SNX27: variants seen among roughly 807,000 people sequenced by gnomAD.
SNX27 encodes sorting nexin 27.
A neutral mutation model predicts 71.6 loss-of-function variants in SNX27; 22 were observed. The ratio of observed to expected loss-of-function variants is 0.31; its 90% CI spans 0.22 to 0.44. The LOEUF (loss-of-function observed/expected upper bound fraction) is 0.44, where lower values mean the gene tolerates loss of function less well. SNX27 is among the 20% of genes least tolerant of loss of function. The pLI, the probability that SNX27 is intolerant of heterozygous loss-of-function variation, is 1.00. For synonymous variants in SNX27, 269 were observed against 277.2 expected (o/e 0.97, Z 0.29); for missense variants, 531 against 698.6 (o/e 0.76, Z 2.70).
intron 7 of SNX27, among the ~76,000 whole-genome samples, chr1:151,672,844 A>G (rs540871378): frequency 1.3e-5 from 2 of 149,416 alleles, no homozygotes; most frequent in African/African-American, 4.9e-5. Flanking sequence ...CTCCTTTTTC[A>G]TCTCTGATTT....
At position 151,680,629 on chromosome 1, in the gene SNX27, AAAAAC is replaced by A. The variant is rs201845487; in HGVS notation, c.1150-2720_1150-2716del. On this transcript the variant is annotated intron_variant, in intron 7 of 11. Transcript: ENST00000458013. ...AGACATAGTTCTAGGCGTTAGGGGTAAAAACAAAACAGAAAGACAGTATTCTTATA... is the reference window on the plus strand; with the variant it reads ...AGACATAGTTCTAGGCGTTAGGGGTAAAAACAGAAAGACAGTATTCTTATA... Among the ~76,000 whole-genome samples, 397 of 152,350 alleles carry A rather than the reference AAAAAC, an allele frequency of 2.6e-3. 2 individuals are homozygous for A. The highest frequency in any genetic ancestry group is 8.8e-3 in the African/African-American group (366 of 41,578).
chr1:151,693,782 A>G, intron 11 of SNX27: 1 of 1,471,814 alleles, frequency 6.8e-7, no homozygotes, highest in Non-Finnish European at 8.9e-7. Context: ...TTTAAATCAG[A>G]TCACCCTCCA....
chr1:151,693,267 A>G (rs1290423761), intron 10 of SNX27, 157 bp from the exon 11 acceptor site: 3 of 897,296 alleles, frequency 3.3e-6, no homozygotes, highest in Admixed American at 2.5e-5. Flanking sequence ...GAGCTAGAGA[A>G]TAGTGGATGA....
At chr1:151,623,295 C>A (rs1202592553) in intron 1 of SNX27, among the ~76,000 whole-genome samples, 2 of 152,202 alleles carry the variant, frequency 1.3e-5, no homozygotes, top group Non-Finnish European at 2.9e-5. Flanking sequence ...TGCGGGCCAC[C>A]ATACTTGGCT....
intron 3 of SNX27, among the ~76,000 whole-genome samples, chr1:151,659,143 G>A (rs1279907578): frequency 6.6e-6 from 1 of 152,062 alleles, no homozygotes; most frequent in Admixed American, 6.6e-5. Flanking sequence ...CATTTTACAG[G>A]TATTCATAGA....
intron 2 of SNX27, among the ~76,000 whole-genome samples, chr1:151,653,906 C>T (rs1240914946): frequency 6.8e-6 from 1 of 147,784 alleles, no homozygotes; most frequent in African/African-American, 2.5e-5. Context: ...GATCTTGGCT[C>T]ACTGCAACCT....
intron 8 of SNX27, among the ~76,000 whole-genome samples, chr1:151,686,780 C>G (rs1019911621): frequency 6.6e-6 from 1 of 152,220 alleles, no homozygotes; most frequent in Admixed American, 6.5e-5. Context: ...GGCCAGGTCA[C>G]TACAATTAGT....
intron 2 of SNX27, among the ~76,000 whole-genome samples, chr1:151,655,857 G>T (rs765703215): frequency 3.7e-4 from 57 of 152,174 alleles, no homozygotes; most frequent in Admixed American, 1.3e-4. Flanking sequence ...AGAAATGCCA[G>T]TGGAACTCTA....
At chr1:151,629,068 T>C (rs1235453077) in intron 1 of SNX27, among the ~76,000 whole-genome samples, 2 of 151,884 alleles carry the variant, frequency 1.3e-5, no homozygotes, top group African/African-American at 4.9e-5. Context: ...CCCCCTAGAT[T>C]TTCTCCTATG....
chr1:151,684,298 T>C (rs1671095732), intron 8 of SNX27, among the ~76,000 whole-genome samples: 1 of 152,216 alleles, frequency 6.6e-6, no homozygotes, highest in Admixed American at 6.5e-5. Context: ...AATTTAAAAT[T>C]CAGTTCTCTA....
In SNX27 at chr1:151,639,001, A is replaced by G; in HGVS notation, c.425A>G (p.Asn142Ser). 2 of 1,613,960 alleles carry G rather than the reference A, an allele frequency of 1.2e-6. No individual in the cohort carries two copies. The highest frequency in any genetic ancestry group is 2.2e-5 in the South Asian group (2 of 91,060). Residue 142 changes from asparagine to serine, a missense_variant, in exon 2 of 12, where the codon AAC becomes AGC. This residue lies in a region of SNX27 where 47 missense variants were observed against 41.4 expected (regional missense o/e 1.13). Transcript: ENST00000458013. Reference protein sequence around the residue: ...VLSVPPHEADNLDPSDDSLGQ... With the variant: ...VLSVPPHEADSLDPSDDSLGQ... ...TCTGTACCTCCTCATGAGGCAGATA[A>G]CCTAGATCCCAGTGACGACTCGTTG...
At chr1:151,664,623 G>T (rs1482613961) in intron 5 of SNX27, among the ~76,000 whole-genome samples, 1 of 152,044 alleles carries the variant, frequency 6.6e-6, no homozygotes, top group Non-Finnish European at 1.5e-5. Flanking sequence ...AGACAAGCAG[G>T]TTTCTGGGTA....
At chr1:151,652,199 G>C (rs1291051275) in intron 2 of SNX27, among the ~76,000 whole-genome samples, 5 of 136,696 alleles carry the variant, frequency 3.7e-5, no homozygotes, top group African/African-American at 1.3e-4. Flanking sequence ...GGGAGAGGGA[G>C]ACCGTGGGGA....
rs777914205 is a variant in SNX27 at position 151,638,977 on chromosome 1, C to T, written c.401C>T (p.Ser134Phe). 4 of 1,614,156 alleles carry T rather than the reference C, an allele frequency of 2.5e-6. No homozygotes were observed. The highest frequency in any genetic ancestry group is 3.4e-6 in the Non-Finnish European group (4 of 1,180,032). Reference sequence around the variant, plus strand: ...AAGGAATTGATCTTGACAGTGTTATCTGTACCTCCTCATGAGGCAGATAAC... The same window carrying T: ...AAGGAATTGATCTTGACAGTGTTATTTGTACCTCCTCATGAGGCAGATAAC... ...GEKELILTVL[S>F]VPPHEADNLD... The change falls in exon 2 of 12, where the codon TCT becomes TTT. Residue 134 changes from serine (S) to phenylalanine (F), a missense_variant. By Grantham distance (155) the Ser-to-Phe change is radical. Transcript: ENST00000458013.
intron 7 of SNX27, chr1:151,679,167 G>T (rs377007745): frequency 2.8e-4 from 43 of 152,202 alleles, no homozygotes; most frequent in African/African-American, 9.9e-4. Context: ...GAATTTCACA[G>T]TTCTAAAATG....
At chr1:151,693,402 G>A (rs1223353254) in intron 10 of SNX27, 22 bp from the exon 11 acceptor site, 1 of 1,613,388 alleles carries the variant, frequency 6.2e-7, no homozygotes, top group East Asian at 2.2e-5. Flanking sequence ...AAGTTAGTGA[G>A]TGTCACCACC....
chr1:151,629,203 T>C (rs558269295), intron 1 of SNX27: 200 of 147,470 alleles, frequency 1.4e-3, no homozygotes, highest in African/African-American at 5.3e-3. Flanking sequence ...TTCTAGTTTG[T>C]TAAATTATTG....
intron 7 of SNX27, chr1:151,679,252 T>C (rs1459339368): frequency 1.3e-5 from 2 of 152,214 alleles, no homozygotes; most frequent in African/African-American, 4.8e-5. Flanking sequence ...TGATACATCA[T>C]TGATTGTAAG....
At chr1:151,613,710 C>T (rs536767572) in intron 1 of SNX27, among the ~76,000 whole-genome samples, 1 of 152,162 alleles carries the variant, frequency 6.6e-6, no homozygotes, top group South Asian at 2.1e-4. Context: ...GTGCACACCG[C>T]CTCCATTACC....
Sources: allele counts gnomAD v4.1 joint callset (sites outside exome capture counted in the v4.1 genomes callset), GRCh38; gene constraint gnomAD v4.1.1; regional missense constraint gnomAD v4.1.1; transcripts MANE v1.5; gene names NCBI Gene and HGNC (gene_info 2026-07-23, HGNC 2026-07-21).